The following SPHKAP variants were observed in gnomAD, a reference collection of about 807,000 sequenced individuals.
SPHKAP encodes A-kinase anchor protein SPHKAP.
SPHKAP carries 67 observed loss-of-function variants against 137.5 expected under a neutral mutation model. The observed-to-expected ratio is 0.49, with a 90% CI of 0.40 to 0.60. The LOEUF is 0.60. Ranked by LOEUF, SPHKAP falls within the 20% of genes least tolerant of loss-of-function variation. The pLI, the probability that SPHKAP is intolerant of heterozygous loss-of-function variation, is 0.00. For missense variants in SPHKAP, 2,097 were observed against 2,069.3 expected (o/e 1.01, Z -0.26); for synonymous variants, 813 against 785.3 (o/e 1.04, Z -0.59).
In SPHKAP at chr2:228,181,127, C is replaced by A. The variant is rs1048118727; in HGVS notation, c.32+440G>T. The stretch of plus-strand genomic sequence containing the variant: ...CCCCACCCCAGCAGCCCCAGACACC[C>A]GCCCAGGTCAAGGTGGAAGGAAAGC... On this transcript the variant is annotated intron_variant, in intron 1 of 11. Transcript: ENST00000392056. This position sits in a 1 kb window ranked among gnomAD's most constrained non-coding sequence, Gnocchi z 4.3. Among the ~76,000 whole-genome samples, 2 of 152,104 alleles carry A rather than the reference C, an allele frequency of 1.3e-5. No homozygotes were observed. Among genetic ancestry groups the A allele is most frequent in the Non-Finnish European group, 2.9e-5 (2 of 68,024 alleles).
chr2:228,021,615 A>G, intron 6 of SPHKAP, 96 bp downstream of exon 6: 1 of 1,430,054 alleles, frequency 7.0e-7, no homozygotes. Context: ...GTGATGTGTC[A>G]GCCAAACTGA....
intron 3 of SPHKAP, among the ~76,000 whole-genome samples, chr2:228,078,395 T>G (rs1697251924): frequency 6.6e-6 from 1 of 151,854 alleles, no homozygotes; most frequent in African/African-American, 2.4e-5. Flanking sequence ...TTTTTTTTTT[T>G]TTTTGTAAGG....
At chr2:228,035,612 C>T (rs1382096249) in intron 3 of SPHKAP, among the ~76,000 whole-genome samples, 1 of 152,200 alleles carries the variant, frequency 6.6e-6, no homozygotes, top group Non-Finnish European at 1.5e-5. Context: ...GGAGGCATCA[C>T]ACTGCCTGAC....
At chr2:228,158,897 C>G (rs1340933660) in intron 1 of SPHKAP, among the ~76,000 whole-genome samples, 3 of 152,176 alleles carry the variant, frequency 2.0e-5, no homozygotes, top group Non-Finnish European at 4.4e-5. Context: ...TTCCCTCACC[C>G]CAATCAAATA....
intron 3 of SPHKAP, among the ~76,000 whole-genome samples, chr2:228,092,364 C>CGTGTATGTGTGTGT: frequency 7.1e-6 from 1 of 140,990 alleles, no homozygotes; most frequent in African/African-American, 2.6e-5. Context: ...TATATACACA[C>CGTGTATGTGTGTGT]ATATACATAC....
intron 2 of SPHKAP, among the ~76,000 whole-genome samples, chr2:228,127,023 A>C (rs1699097035): frequency 6.6e-6 from 1 of 152,200 alleles, no homozygotes; most frequent in Non-Finnish European, 1.5e-5. Context: ...AGTTCTAATA[A>C]AAAGATTTGA....
chr2:228,115,895 A>G (rs1242434338), intron 2 of SPHKAP, among the ~76,000 whole-genome samples: 1 of 152,072 alleles, frequency 6.6e-6, no homozygotes, highest in African/African-American at 2.4e-5. Flanking sequence ...GGCCTTTGGG[A>G]GGTGATTAGG....
chr2:227,992,443 G>T (rs1343845), intron 9 of SPHKAP, among the ~76,000 whole-genome samples: 72,065 of 151,922 alleles, frequency 0.47, 17,456 homozygotes, highest in East Asian at 0.66. Context: ...GGAGGTGATT[G>T]CTTGGCTTCC....
intron 3 of SPHKAP, among the ~76,000 whole-genome samples, chr2:228,105,989 G>A (rs979436149): frequency 3.9e-5 from 6 of 152,252 alleles, no homozygotes; most frequent in South Asian, 2.1e-4. Flanking sequence ...CCTGGATAGC[G>A]GTTCCTGTTC....
At chr2:228,035,484 C>G (rs1260214809) in intron 3 of SPHKAP, among the ~76,000 whole-genome samples, 1 of 152,000 alleles carries the variant, frequency 6.6e-6, no homozygotes, top group Non-Finnish European at 1.5e-5. Context: ...TCAATGCCAT[C>G]CCCATCAAGC....
At chr2:228,151,313 T>G (rs1699922238) in intron 1 of SPHKAP, among the ~76,000 whole-genome samples, 1 of 151,804 alleles carries the variant, frequency 6.6e-6, no homozygotes, top group Non-Finnish European at 1.5e-5. Flanking sequence ...TGTGCCACAT[T>G]TTCTTAATCC....
intron 7 of SPHKAP, among the ~76,000 whole-genome samples, chr2:227,999,021 C>T (rs76901227): frequency 0.024 from 3,688 of 152,184 alleles, 167 homozygotes; most frequent in African/African-American, 0.084. Flanking sequence ...TACTGTTATC[C>T]GTTCTCTGAG....
At chr2:228,101,715 C>A (rs1698187527) in intron 3 of SPHKAP, among the ~76,000 whole-genome samples, 1 of 152,164 alleles carries the variant, frequency 6.6e-6, no homozygotes, top group African/African-American at 2.4e-5. Context: ...GAAAGGGGAG[C>A]CTATGGGGTT....
At chr2:227,995,757 A>C in intron 7 of SPHKAP, 63 bp from the exon 8 acceptor site, 1 of 1,450,866 alleles carries the variant, frequency 6.9e-7, no homozygotes, top group South Asian at 1.4e-5. Context: ...CAGAAACTTC[A>C]CAGAGCCACT....
chr2:228,012,407 T>A (rs1268739190), intron 7 of SPHKAP, among the ~76,000 whole-genome samples: 3 of 152,152 alleles, frequency 2.0e-5, no homozygotes, highest in Admixed American at 2.0e-4. Flanking sequence ...CCATAATGCT[T>A]AAAATGCAAG....
chr2:228,111,542 T>C (rs935371893), intron 2 of SPHKAP, among the ~76,000 whole-genome samples: 15 of 152,210 alleles, frequency 9.9e-5, no homozygotes, highest in African/African-American at 3.4e-4. Flanking sequence ...AATATTCTGG[T>C]CTAAGGTGTA....
chr2:228,084,691 A>G (rs1453071216), intron 3 of SPHKAP, among the ~76,000 whole-genome samples: 1 of 152,218 alleles, frequency 6.6e-6, no homozygotes, highest in Non-Finnish European at 1.5e-5. Context: ...AAGCAAATTA[A>G]TTTCCCCTTT....
At position 227,991,427 on chromosome 2, in the gene SPHKAP, G is replaced by A. The variant is rs545797030; in HGVS notation, c.4722-101C>T. ...TCTTACTGATCTAAAAGCTTCTGAA[G>A]TTCATTCTGGATTTATTGTTTTTGT... On this transcript the variant is annotated intron_variant, in intron 9 of 11. Transcript: ENST00000392056. The A allele has an allele frequency of 3.0e-4, 480 of 1,594,170 alleles. 1 individual carries two copies. The highest frequency in any genetic ancestry group is 3.1e-4 in the Non-Finnish European group (361 of 1,172,688).
chr2:228,132,906 A>T (rs1218620684), intron 1 of SPHKAP, among the ~76,000 whole-genome samples: 2 of 151,750 alleles, frequency 1.3e-5, no homozygotes, highest in East Asian at 1.9e-4. Flanking sequence ...AAGGAGGCTG[A>T]GGTATGAGAA....
Sources: allele counts gnomAD v4.1 joint callset (sites outside exome capture counted in the v4.1 genomes callset), GRCh38; gene constraint gnomAD v4.1.1; non-coding constraint Gnocchi (gnomAD v3.1); transcripts MANE v1.5; gene names NCBI Gene and HGNC (gene_info 2026-07-23, HGNC 2026-07-21).